ATF7: variants seen among roughly 807,000 people sequenced by gnomAD.
The protein encoded by ATF7 is cyclic AMP-dependent transcription factor ATF-7.
A neutral mutation model predicts 50.4 loss-of-function variants in ATF7; 10 were observed. The ratio of observed to expected loss-of-function variants is 0.20; its 90% CI spans 0.12 to 0.34. The LOEUF (loss-of-function observed/expected upper bound fraction) is 0.34. Ranked by LOEUF, ATF7 falls within the 10% of genes least tolerant of loss-of-function variation. The pLI, the probability that ATF7 is intolerant of heterozygous loss-of-function variation, is 1.00. For synonymous variants in ATF7, 201 were observed against 226.4 expected (o/e 0.89, Z 1.01); for missense variants, 465 against 613.9 (o/e 0.76, Z 2.56).
chr12:53,555,649 T>A (rs1321858390), intron 2 of ATF7, among the ~76,000 whole-genome samples: 1 of 151,542 alleles, frequency 6.6e-6, no homozygotes, highest in East Asian at 2.0e-4. Flanking sequence ...TAGCTGGGAT[T>A]ACAGGCATGC....
intron 2 of ATF7, among the ~76,000 whole-genome samples, chr12:53,589,837 G>C (rs549672925): frequency 9.2e-5 from 14 of 152,248 alleles, no homozygotes; most frequent in African/African-American, 3.4e-4. Flanking sequence ...GTAGGGAAAG[G>C]AAGAAATGGT....
intron 9 of ATF7, among the ~76,000 whole-genome samples, chr12:53,530,774 A>T (rs888791969): frequency 4.0e-5 from 6 of 151,622 alleles, no homozygotes; most frequent in Non-Finnish European, 7.4e-5. Flanking sequence ...TGCCCCGCTA[A>T]TTTTTTGTAT....
intron 4 of ATF7, among the ~76,000 whole-genome samples, chr12:53,539,026 A>G (rs946221584): frequency 1.3e-5 from 2 of 152,188 alleles, no homozygotes; most frequent in African/African-American, 4.8e-5. Flanking sequence ...CTCCTAGCAA[A>G]GCTGCGGTTC....
chr12:53,551,599 A>G (rs1438015857), intron 3 of ATF7, among the ~76,000 whole-genome samples: 1 of 152,228 alleles, frequency 6.6e-6, no homozygotes, highest in Non-Finnish European at 1.5e-5. Flanking sequence ...TGCTGAATTA[A>G]TGAGGAATAG....
chr12:53,541,867 G>C (rs1464671232), intron 4 of ATF7, among the ~76,000 whole-genome samples: 2 of 152,010 alleles, frequency 1.3e-5, no homozygotes, highest in Non-Finnish European at 2.9e-5. Context: ...TGTCGCCCAG[G>C]CTGGAATGCA....
At chr12:53,608,367 G>A (rs1370069880) in intron 1 of ATF7, among the ~76,000 whole-genome samples, 1 of 151,852 alleles carries the variant, frequency 6.6e-6, no homozygotes, top group African/African-American at 2.4e-5. Context: ...GACAAATTAA[G>A]TTCAAAAAGG....
chr12:53,585,144 TA>T (rs1230082962), intron 2 of ATF7, among the ~76,000 whole-genome samples: 5 of 152,084 alleles, frequency 3.3e-5, no homozygotes, highest in Non-Finnish European at 7.4e-5. Context: ...GGCTAATTTT[TA>T]ATTTTTTTTT....
At chr12:53,552,239 T>C (rs954298550) in intron 3 of ATF7, among the ~76,000 whole-genome samples, 1 of 152,132 alleles carries the variant, frequency 6.6e-6, no homozygotes. Context: ...CTTTTGTCTG[T>C]AAATCTTTCA....
intron 5 of ATF7, among the ~76,000 whole-genome samples, chr12:53,537,072 CAT>C: frequency 6.6e-6 from 1 of 151,894 alleles, no homozygotes; most frequent in Middle Eastern, 3.4e-3. Flanking sequence ...TCCTATAATA[CAT>C]ACTTTTTTTT....
chr12:53,541,138 C>T (rs1939527160), intron 4 of ATF7, among the ~76,000 whole-genome samples: 1 of 152,136 alleles, frequency 6.6e-6, no homozygotes, highest in African/African-American at 2.4e-5. Flanking sequence ...GCTTTCTTAC[C>T]ACTTAAACTG....
At chr12:53,589,721 C>T (rs928794733) in intron 2 of ATF7, among the ~76,000 whole-genome samples, 1 of 152,114 alleles carries the variant, frequency 6.6e-6, no homozygotes, top group Admixed American at 6.6e-5. Flanking sequence ...GATCCTACTC[C>T]GTACCAACGA....
At chr12:53,534,454 T>C (rs371804974) in intron 6 of ATF7, 48 bp downstream of exon 6, 29 of 1,606,936 alleles carry the variant, frequency 1.8e-5, no homozygotes, top group Admixed American at 3.3e-5. Context: ...TTTCATGTAA[T>C]GGAAAGAAAT....
At chr12:53,573,896 TTTA>T in intron 2 of ATF7, among the ~76,000 whole-genome samples, 1 of 152,222 alleles carries the variant, frequency 6.6e-6, no homozygotes, top group East Asian at 1.9e-4. Context: ...ACTGGTGAAG[TTTA>T]TAGTCCAGGG....
At chr12:53,593,476 G>C (rs1009919973) in intron 2 of ATF7, among the ~76,000 whole-genome samples, 1 of 152,160 alleles carries the variant, frequency 6.6e-6, no homozygotes, top group Non-Finnish European at 1.5e-5. Flanking sequence ...ACAACTCTTT[G>C]AGCAGAATGT....
chr12:53,587,839 ATATATTTTT>A (rs1383910047), intron 2 of ATF7, among the ~76,000 whole-genome samples: 1 of 62,992 alleles, frequency 1.6e-5, no homozygotes, highest in East Asian at 5.6e-4. Flanking sequence ...ATATATATAT[ATATATTTTT>A]TTTTTTTTTT....
intron 1 of ATF7, among the ~76,000 whole-genome samples, chr12:53,606,723 C>T (rs1229493589): frequency 4.2e-5 from 5 of 119,892 alleles, no homozygotes; most frequent in African/African-American, 1.6e-4. Flanking sequence ...CTCCCCCCAC[C>T]CCACAACAGT....
chr12:53,611,571 TA>T (rs1384491716), intron 1 of ATF7, among the ~76,000 whole-genome samples: 1 of 152,202 alleles, frequency 6.6e-6, no homozygotes, highest in East Asian at 1.9e-4. Context: ...GCCCACAAGC[TA>T]AGAGTAGTTT....
At chr12:53,539,980 G>A (rs1482172561) in intron 4 of ATF7, among the ~76,000 whole-genome samples, 2 of 151,856 alleles carry the variant, frequency 1.3e-5, no homozygotes, top group Non-Finnish European at 2.9e-5. Context: ...TGAGGCGGGA[G>A]GATCACTTGA....
rs550085986 is a variant in ATF7, at chr12:53,543,391, T to C, written c.203A>G (p.Asn68Ser). Reference sequence around the variant, plus strand: ...ATGTTCAAAGGAGCTAGCTAGTTCATTGAAGAGTCCCACCTCCTCACAGTT... The same window carrying C: ...ATGTTCAAAGGAGCTAGCTAGTTCACTGAAGAGTCCCACCTCCTCACAGTT... The part of the protein sequence containing the change: ...LKNCEEVGLF[N>S]ELASSFEHEF... Residue 68 changes from asparagine to serine, a missense_variant, in exon 4 of 12, where the codon AAT (asparagine) becomes AGT (serine). Asn to Ser is a conservative substitution (Grantham distance 46, BLOSUM62 1). Coordinates refer to ENST00000420353, the MANE Select transcript of ATF7 (RefSeq NM_006856.3). The C allele has an allele frequency of 1.2e-5, 20 of 1,603,304 alleles. No homozygotes were observed. The highest frequency in any genetic ancestry group is 1.0e-4 in the South Asian group (9 of 88,890).
Sources: allele counts gnomAD v4.1 joint callset (sites outside exome capture counted in the v4.1 genomes callset), GRCh38; gene constraint gnomAD v4.1.1; transcripts MANE v1.5; gene names NCBI Gene and HGNC (gene_info 2026-07-23, HGNC 2026-07-21).